Variants in CUL4B observed in about 807,000 individuals in gnomAD.
CUL4B encodes cullin-4B.
Under a neutral mutation model 69.2 loss-of-function variants are expected in CUL4B, and 1 was observed. That is an observed-to-expected ratio of 0.01 (90% CI 0.01 to 0.07). The LOEUF is 0.07. Ranked by LOEUF, CUL4B falls within the 10% of genes least tolerant of loss-of-function variation. CUL4B has a pLI of 1.00. For synonymous variants in CUL4B, 237 were observed against 223.2 expected, an observed-to-expected ratio of 1.06 and a Z score of -0.55; for missense variants, 328 against 638.8, an observed-to-expected ratio of 0.51 and a Z score of 5.24.
intron 17 of CUL4B, among the ~76,000 whole-genome samples, chrX:120,533,397 T>C (rs776830204): frequency 1.8e-5 from 2 of 112,095 alleles, no homozygotes; most frequent in East Asian, 2.8e-4. Context: ...GCTAGACTTA[T>C]CAGGTTCTCC....
At chrX:120,566,345 GTATATATATATATATA>G (rs537274243), upstream of CUL4B, among the ~76,000 whole-genome samples, 472 of 40,959 alleles carry the variant, frequency 0.012, 11 homozygotes, top group African/African-American at 0.04. Flanking sequence ...GTGTGTATAG[GTATATATATATATATA>G]TATATATATA....
intron 19 of CUL4B, among the ~76,000 whole-genome samples, chrX:120,528,880 G>A (rs1470907419): frequency 8.9e-6 from 1 of 111,988 alleles, no homozygotes; most frequent in Non-Finnish European, 1.9e-5. Context: ...TGCATTCTAA[G>A]CTCCTGGATG....
chrX:120,560,753 A>G lies in CUL4B; in HGVS notation c.-115T>C. On this transcript the variant is annotated 5_prime_UTR_variant, in exon 1 of 20. Coordinates refer to ENST00000371322, the MANE Select transcript of CUL4B (RefSeq NM_001079872.2). ...GGGGGAAGGGAAGAAAGAAGAGAGG[A>G]GAAACACAGAGGACGAGAAGGAAAG... The G allele has an allele frequency of 1.2e-6, 1 of 845,838 alleles. No homozygotes were observed. The highest frequency in any genetic ancestry group is 2.3e-5 in the African/African-American group (1 of 43,779). The allele number at this position is 845,838 out of a possible 1,213,427, so 69.7% of individuals were successfully genotyped here. A position where few individuals can be genotyped will look rare whatever the true frequency, so the allele number is the denominator to read the frequency against.
rs771596355 is a variant in CUL4B, at chrX:120,532,491, G to A, written c.2370C>T (p.Phe790=). The change falls in exon 18 of 20, where the codon TTC becomes TTT. Residue 790 remains phenylalanine, a synonymous_variant. Coordinates refer to ENST00000371322, the MANE Select transcript of CUL4B (RefSeq NM_001079872.2). ...TATGTTTGAAATCATCATTACAAAT[G>A]AACTTGTCACCATCTTCAATGTCTT... ...KGKDIEDGDK[F]ICNDDFKHKL... 38 of 1,202,964 alleles carry A rather than the reference G, an allele frequency of 3.2e-5. No individual in the cohort carries two copies. Among genetic ancestry groups the A allele is most frequent in the Non-Finnish European group, 1.9e-5 (17 of 889,252 alleles).
chrX:120,534,394 G>A (rs1923524823), intron 17 of CUL4B, 87 bp downstream of exon 17: 1 of 668,136 alleles, frequency 1.5e-6, no homozygotes, highest in Non-Finnish European at 2.5e-6. Context: ...ACAGTTCTGA[G>A]GCAAGGAATT....
chrX:120,561,174 G>A (rs1056820756), upstream of CUL4B: 145 of 773,147 alleles, frequency 1.9e-4, no homozygotes, highest in Non-Finnish European at 2.5e-4. Flanking sequence ...GCCGCCCGGG[G>A]GGCGGGGGAG....
chrX:120,541,855 T>C (rs1216500399), intron 9 of CUL4B, 135 bp from the exon 10 acceptor site: 16 of 488,403 alleles, frequency 3.3e-5, no homozygotes, highest in South Asian at 1.4e-4. Context: ...TGTATGTGAG[T>C]TGTAATGTAA....
rs1925081154 is a variant in CUL4B at position 120,558,046 on chromosome X, G to A, written c.557-7C>T. On this transcript the variant is annotated splice_polypyrimidine_tract_variant and splice_region_variant and intron_variant, in intron 1 of 19. Coordinates refer to ENST00000371322, the MANE Select transcript of CUL4B (RefSeq NM_001079872.2). ...TCTGGTAATTTAGGCTTATCTAGAT[G>A]ATATGTAAAAGGTTGGCATCAGAAT... 3 of 1,100,120 alleles carry A rather than the reference G, an allele frequency of 2.7e-6. No homozygotes were observed. Among genetic ancestry groups the A allele is most frequent in the Non-Finnish European group, 2.5e-6 (2 of 797,169 alleles). 90.7% of individuals were successfully genotyped at this position (1,100,120 alleles called of 1,213,427 possible). A position where few individuals can be genotyped will look rare whatever the true frequency, so the allele number is the denominator to read the frequency against.
At chrX:120,536,906 G>A (rs781494616) in intron 15 of CUL4B, 21 bp downstream of exon 15, 15 of 1,049,727 alleles carry the variant, frequency 1.4e-5, no homozygotes, top group Non-Finnish European at 2.0e-5. Flanking sequence ...CTATAACTCA[G>A]TTCTAAACAG....
chrX:120,550,839 TAAAC>T (rs1569393985), intron 2 of CUL4B, among the ~76,000 whole-genome samples: 1 of 111,939 alleles, frequency 8.9e-6, no homozygotes, highest in Non-Finnish European at 1.9e-5. Context: ...TAGGTATAAA[TAAAC>T]AAACAAAAAG....
rs765596891 is a variant in CUL4B, at chrX:120,553,759, C to G, written c.672+4165G>C. On this transcript the variant is annotated intron_variant, in intron 2 of 19. Transcript: ENST00000371322. ...ATATCTCTATTTAAACAAAACAAAACAAAACACTGCGGCTACTCATACAAA... is the reference window on the plus strand; with the variant it reads ...ATATCTCTATTTAAACAAAACAAAAGAAAACACTGCGGCTACTCATACAAA... Among the ~76,000 whole-genome samples, 4 of 111,118 alleles carry G rather than the reference C, an allele frequency of 3.6e-5. No homozygotes were observed. In the South Asian group the frequency reaches 1.5e-3, roughly 42 times the overall value.
upstream of CUL4B, chrX:120,561,181 G>T: frequency 1.4e-6 from 1 of 740,241 alleles, no homozygotes; most frequent in Non-Finnish European, 1.9e-6. Flanking sequence ...GGGGGGCGGG[G>T]GAGCTCGCGC....
intron 2 of CUL4B, among the ~76,000 whole-genome samples, chrX:120,555,318 T>C (rs756404358): frequency 3.6e-5 from 4 of 112,197 alleles, no homozygotes; most frequent in Admixed American, 9.5e-5. Context: ...ATATGGAATA[T>C]ATAAAATATT....
At chrX:120,567,118 A>ATTTTTTTTTTTTTTTTTTTTTTTTT (rs72483160), downstream of CUL4B, among the ~76,000 whole-genome samples, 1 of 55,290 alleles carries the variant, frequency 1.8e-5, no homozygotes, top group Non-Finnish European at 3.2e-5. Context: ...GCCAATTTAG[A>ATTTTTTTTTTTTTTTTTTTTTTTTT]TTTTTTTTTT....
At chrX:120,561,428 C>G (rs770446020), upstream of CUL4B, 26 of 540,179 alleles carry the variant, frequency 4.8e-5, 1 homozygote, top group Admixed American at 6.1e-4. Context: ...CCCCCAGGTC[C>G]GCAGGACTTG....
intron 18 of CUL4B, among the ~76,000 whole-genome samples, chrX:120,531,181 G>C (rs1386194711): frequency 9.2e-6 from 1 of 109,251 alleles, no homozygotes; most frequent in Non-Finnish European, 1.9e-5. Flanking sequence ...AATTAGCCGG[G>C]CATGGTCGCT....
At chrX:120,546,268 T>G (rs968905548) in intron 4 of CUL4B, among the ~76,000 whole-genome samples, 1 of 110,376 alleles carries the variant, frequency 9.1e-6, no homozygotes, top group Admixed American at 9.7e-5. Flanking sequence ...AAGACTACAA[T>G]GGTGCAATGT....
At chrX:120,529,386 A>G (rs1438877442) in intron 19 of CUL4B, among the ~76,000 whole-genome samples, 3 of 111,850 alleles carry the variant, frequency 2.7e-5, no homozygotes, top group Non-Finnish European at 3.8e-5. Flanking sequence ...TCAGTTTTAC[A>G]AAAGAGGAAA....
At chrX:120,548,742 G>A (rs908911202) in intron 2 of CUL4B, among the ~76,000 whole-genome samples, 1 of 110,546 alleles carries the variant, frequency 9.0e-6, no homozygotes, top group Non-Finnish European at 1.9e-5. Context: ...GCTGAGGCAG[G>A]AGAATTGCTT....
Sources: allele counts gnomAD v4.1 joint callset (sites outside exome capture counted in the v4.1 genomes callset), GRCh38; gene constraint gnomAD v4.1.1; transcripts MANE v1.5; gene names NCBI Gene and HGNC (gene_info 2026-07-23, HGNC 2026-07-21).